URB1: variants seen among roughly 807,000 people sequenced by gnomAD.
URB1 encodes the protein URB1 ribosome biogenesis factor, also known as nucleolar pre-ribosomal-associated protein 1.
Under a neutral mutation model 242.3 loss-of-function variants are expected in URB1, and 197 were observed. The observed-to-expected ratio is 0.81, with a 90% CI of 0.72 to 0.91. The LOEUF (loss-of-function observed/expected upper bound fraction) is 0.91, where lower values mean the gene tolerates loss of function less well. URB1 is among the 40% of genes least tolerant of loss of function. The pLI is 0.00. For missense variants in URB1, 2,721 were observed against 2,860.5 expected (o/e 0.95, Z 1.11); for synonymous variants, 1,153 against 1,201.8 (o/e 0.96, Z 0.84).
At chr21:32,391,687 C>T (rs1159737147) in intron 1 of URB1, among the ~76,000 whole-genome samples, 1 of 152,048 alleles carries the variant, frequency 6.6e-6, no homozygotes, top group East Asian at 1.9e-4. Flanking sequence ...ATCTTCCTAG[C>T]TGTGACTAGC....
intron 1 of URB1, among the ~76,000 whole-genome samples, chr21:32,385,971 G>A (rs1299169480): frequency 1.3e-5 from 2 of 152,102 alleles, no homozygotes; most frequent in Non-Finnish European, 2.9e-5. Context: ...GGCCAACATG[G>A]TGAAACCCCC....
In URB1 at chr21:32,315,091, C is replaced by A; in HGVS notation, c.6643G>T (p.Ala2215Ser). 2 of 1,524,418 alleles carry A rather than the reference C, an allele frequency of 1.3e-6. No homozygotes were observed. The highest frequency in any genetic ancestry group is 1.4e-5 in the African/African-American group (1 of 72,660). The allele number at this position is 1,524,418 out of a possible 1,614,324, so 94.4% of individuals were successfully genotyped here. A position where few individuals can be genotyped will look rare whatever the true frequency, so the allele number is the denominator to read the frequency against. ...EKDEATQASA[A>S]FLVSLYIKDI... ...TTTATGTAGAGAGACACTAGGAATG[C>A]TGCGGAGGCTGAACAAGAGCAGGGG... The change falls in exon 39 of 39, where the codon GCA (alanine) becomes TCA (serine). Residue 2215 changes from alanine (A) to serine (S), a missense_variant. Ala to Ser is a moderately conservative substitution (Grantham distance 99, BLOSUM62 1). Transcript: ENST00000382751.
intron 10 of URB1, among the ~76,000 whole-genome samples, chr21:32,365,329 T>C (rs942448168): frequency 2.0e-5 from 3 of 152,084 alleles, no homozygotes; most frequent in Admixed American, 6.6e-5. Context: ...TGCGCACCTG[T>C]AGTCCCAGCT....
In URB1 at chr21:32,352,712, A is replaced by G. The variant is rs755832877; in HGVS notation, c.2611T>C (p.Trp871Arg). 1.1e-5 allele frequency: 17 copies of G among 1,550,970 alleles called. No individual in the cohort carries two copies. In the South Asian group the frequency reaches 2.0e-4, roughly 18 times the overall value. Residue 871 changes from tryptophan (W) to arginine (R), a missense_variant and splice_region_variant, in exon 19 of 39, where the codon TGG becomes CGG. Physicochemically the swap from Trp to Arg is moderately radical, Grantham distance 101. Coordinates refer to ENST00000382751, the MANE Select transcript of URB1 (RefSeq NM_014825.3). ...LWIPEQAREAWLLQAQGSPSP... is the reference protein window; with the variant it reads ...LWIPEQAREARLLQAQGSPSP... ...CCACAGCTGTGGCTGCAGCTCACCC[A>G]GGCCTCTCGGGCTTGCTCCGGGATC... is the stretch of plus-strand genomic sequence containing the variant.
intron 35 of URB1, among the ~76,000 whole-genome samples, chr21:32,320,201 G>A (rs1305777279): frequency 6.6e-6 from 1 of 152,214 alleles, no homozygotes; most frequent in Non-Finnish European, 1.5e-5. Flanking sequence ...AGCACAGAAG[G>A]CTGCTGGGAC....
rs1315210725 is a variant in URB1 at position 32,319,194 on chromosome 21, C to T, written c.5792+23G>A. ...CAGCATCCAAGAGGCCAGAAGGGCC[C>T]CCCTGGCGGGGGCAGGACTCACCTC... On this transcript the variant is annotated intron_variant, in intron 36 of 38. Transcript: ENST00000382751. 5.9e-6 allele frequency: 9 copies of T among 1,533,996 alleles called. No individual in the cohort carries two copies. The African/African-American group carries it at 1.1e-4, about 19-fold the overall frequency.
chr21:32,353,827 C>T lies in URB1; in HGVS notation c.2416+106G>A, dbSNP rs2033186364. 13 of 1,363,526 alleles carry T rather than the reference C, an allele frequency of 9.5e-6. No individual in the cohort carries two copies. In the South Asian group the frequency reaches 1.5e-4, roughly 16 times the overall value. 84.5% of individuals were successfully genotyped at this position (1,363,526 alleles called of 1,614,324 possible). A position where few individuals can be genotyped will look rare whatever the true frequency, so the allele number is the denominator to read the frequency against. ...TCTGGGGGTTCTGACCTCCTATTGC[C>T]CTGGATTCTCAGCAATTGATCCCAG... On this transcript the variant is annotated intron_variant, in intron 18 of 38. Transcript: ENST00000382751.
intron 18 of URB1, among the ~76,000 whole-genome samples, chr21:32,353,274 T>C (rs368421699): frequency 3.9e-4 from 60 of 152,270 alleles, no homozygotes; most frequent in African/African-American, 1.4e-3. Context: ...GGTTAGTCAC[T>C]TCCAGGCCAT....
chr21:32,383,584 C>G lies in URB1; in HGVS notation c.435-30G>C, dbSNP rs188271430. 22 of 1,541,056 alleles carry G rather than the reference C, an allele frequency of 1.4e-5. No homozygotes were observed. The African/African-American group carries it at 3.0e-4, about 21-fold the overall frequency. On this transcript the variant is annotated intron_variant, in intron 3 of 38. Transcript: ENST00000382751. ...ACAGGGAACCAGAGGAAATCGGACACGTCAACAACAGCAGAAGCACAGAGC... is the reference window on the plus strand; with the variant it reads ...ACAGGGAACCAGAGGAAATCGGACAGGTCAACAACAGCAGAAGCACAGAGC...
intron 1 of URB1, among the ~76,000 whole-genome samples, chr21:32,388,293 A>G (rs2033603998): frequency 1.3e-5 from 2 of 152,176 alleles, no homozygotes; most frequent in African/African-American, 4.8e-5. Flanking sequence ...ATGAAGCGTA[A>G]AAAGGCTAAT....
rs2123612011 is a variant in URB1, at chr21:32,372,578, G to A, written c.930C>T (p.Phe310=). 6.4e-7 allele frequency: 1 copy of A among 1,551,630 alleles called. No homozygotes were observed. Among genetic ancestry groups the A allele is most frequent in the East Asian group, 2.4e-5 (1 of 40,922 alleles). ...KTMVRELVHN[F]LMDLCCSLKH... The stretch of plus-strand genomic sequence containing the variant: ...TGAGTGAACAGCAAAGATCCATCAG[G>A]AAGTTATGAACAAGCTCCCGCACCA... The change falls in exon 8 of 39, where the codon TTC becomes TTT. Residue 310 remains phenylalanine (F), a synonymous_variant. Coordinates refer to ENST00000382751, the MANE Select transcript of URB1 (RefSeq NM_014825.3).
rs770381671 is a variant in URB1 at position 32,321,840 on chromosome 21, C to T, written c.5445G>A (p.Leu1815=). 1.3e-6 allele frequency: 2 copies of T among 1,551,604 alleles called. No homozygotes were observed. The highest frequency in any genetic ancestry group is 2.7e-5 in the African/African-American group (2 of 73,038). ...CACACAGCGGGCTGTGGAAGAAGGACAGGATGATGTGGAAGATGCCACGCC... is the reference window on the plus strand; with the variant it reads ...CACACAGCGGGCTGTGGAAGAAGGATAGGATGATGTGGAAGATGCCACGCC... ...CARRGIFHII[L]SFFHSPLCDE... is the part of the protein sequence containing the mutation. Residue 1815 remains leucine, a synonymous_variant, in exon 34 of 39, where the codon CTG becomes CTA. Coordinates refer to ENST00000382751, the MANE Select transcript of URB1 (RefSeq NM_014825.3).
chr21:32,334,389 T>C, intron 28 of URB1, 55 bp from the exon 29 acceptor site: 6 of 1,489,510 alleles, frequency 4.0e-6, no homozygotes, highest in Non-Finnish European at 5.4e-6. Flanking sequence ...GGAACAGAAT[T>C]AATCATGATA....
chr21:32,341,929 T>C (rs2033034830), intron 24 of URB1, among the ~76,000 whole-genome samples: 1 of 150,914 alleles, frequency 6.6e-6, no homozygotes, highest in South Asian at 2.1e-4. Flanking sequence ...GAATATGAAA[T>C]TACACTTAGA....
chr21:32,391,567 G>A (rs771027174), intron 1 of URB1, among the ~76,000 whole-genome samples: 1 of 152,172 alleles, frequency 6.6e-6, no homozygotes, highest in Non-Finnish European at 1.5e-5. Flanking sequence ...CACAATGGCA[G>A]AGGCTTTTTG....
At chr21:32,320,029 A>G (rs16989261) in intron 35 of URB1, among the ~76,000 whole-genome samples, 3,806 of 152,270 alleles carry the variant, frequency 0.025, 152 homozygotes, top group African/African-American at 0.087. Flanking sequence ...GAATCACAAT[A>G]AATCATCAAG....
In URB1 at chr21:32,359,915, G is replaced by A. The variant is rs1406190852; in HGVS notation, c.1757-7C>T. ...CCCTGCTCAGAGATGACACCTATGG[G>A]TGAAAAAGAGGCAGGCTGAAAAAAG... On this transcript the variant is annotated splice_region_variant and splice_polypyrimidine_tract_variant and intron_variant, in intron 13 of 38. Coordinates refer to ENST00000382751, the MANE Select transcript of URB1 (RefSeq NM_014825.3). 2 of 1,547,680 alleles carry A rather than the reference G, an allele frequency of 1.3e-6. No homozygotes were observed. The highest frequency in any genetic ancestry group is 1.4e-5 in the African/African-American group (1 of 72,894).
chr21:32,375,177 T>C (rs2123614784), intron 6 of URB1, among the ~76,000 whole-genome samples: 2 of 152,358 alleles, frequency 1.3e-5, no homozygotes, highest in Admixed American at 1.3e-4. Flanking sequence ...CAGCCATGTC[T>C]GGACATCACT....
In URB1 at chr21:32,355,518, C is replaced by T; in HGVS notation, c.2037G>A (p.Glu679=). Residue 679 remains glutamate (E), a synonymous_variant, in exon 16 of 39, where the codon GAG becomes GAA. Transcript: ENST00000382751. ...GVFEHTWKEL[E]LWLEHLENTM... ...TGTTCTCTAAATGCTCCAGCCAGAG[C>T]TCCAGCTCCTTCCAGGTGTGCTCAA... 11 of 1,551,810 alleles carry T rather than the reference C, an allele frequency of 7.1e-6. No homozygotes were observed. Among genetic ancestry groups the T allele is most frequent in the East Asian group, 2.4e-5 (1 of 40,918 alleles).
Sources: allele counts gnomAD v4.1 joint callset (sites outside exome capture counted in the v4.1 genomes callset), GRCh38; gene constraint gnomAD v4.1.1; transcripts MANE v1.5; gene names NCBI Gene and HGNC (gene_info 2026-07-23, HGNC 2026-07-21).